Variants in KCNQ5 observed in about 807,000 individuals in gnomAD.
KCNQ5 encodes the protein potassium voltage-gated channel subfamily KQT member 5.
A neutral mutation model predicts 98.2 loss-of-function variants in KCNQ5; 30 were observed. The ratio of observed to expected loss-of-function variants is 0.31; its 90% confidence interval spans 0.23 to 0.41. The LOEUF (loss-of-function observed/expected upper bound fraction) is 0.41, where lower values mean the gene tolerates loss of function less well. KCNQ5 is among the 10% of genes least tolerant of loss of function. The pLI is 1.00. For missense variants in KCNQ5, 835 were observed against 1,182.5 expected (o/e 0.71, Z 4.31); for synonymous variants, 458 against 449.4 (o/e 1.02, Z -0.24).
At chr6:72,732,864 A>G (rs1420115139) in intron 1 of KCNQ5, among the ~76,000 whole-genome samples, 1 of 152,200 alleles carries the variant, frequency 6.6e-6, no homozygotes, top group African/African-American at 2.4e-5. Context: ...AGAAGGGGAA[A>G]GAAACTACAG....
At position 72,622,258 on chromosome 6, in the gene KCNQ5, G is replaced by A. The variant is rs1269286659; in HGVS notation, c.69G>A (p.Ala23=). 12 of 1,219,316 alleles carry A rather than the reference G, an allele frequency of 9.8e-6. No individual in the cohort carries two copies. In the South Asian group the frequency reaches 1.4e-4, roughly 15 times the overall value. 75.5% of individuals were successfully genotyped at this position (1,219,316 alleles called of 1,614,324 possible). ...AAGLWVKSGA[A]AAAAGGGRLG... The stretch of plus-strand genomic sequence containing the variant: ...GGCTCTGGGTGAAGAGCGGCGCAGC[G>A]GCGGCGGCGGCGGGCGGGGGGCGCT... The change falls in exon 1 of 14, where the codon GCG becomes GCA. Residue 23 remains alanine (A), a synonymous_variant. Transcript: ENST00000370398. The surrounding 1 kb of genome is among the most constrained non-coding windows in gnomAD (Gnocchi z 6.0).
At chr6:72,947,535 T>C (rs999226968) in intron 1 of KCNQ5, among the ~76,000 whole-genome samples, 2 of 152,154 alleles carry the variant, frequency 1.3e-5, no homozygotes, top group Non-Finnish European at 2.9e-5. Context: ...ATATCTCTAA[T>C]GAAATACCAA....
chr6:73,063,686 T>TAGATAGATAGATGATAGATAGATAGATA (rs55995543), intron 3 of KCNQ5, among the ~76,000 whole-genome samples: 3 of 93,244 alleles, frequency 3.2e-5, no homozygotes, highest in Non-Finnish European at 6.8e-5. Context: ...GATAGATAGA[T>TAGATAGATAGATGATAGATAGATAGATA]GATAGATAGA....
At chr6:72,740,405 C>G (rs1480791778) in intron 1 of KCNQ5, among the ~76,000 whole-genome samples, 2 of 152,076 alleles carry the variant, frequency 1.3e-5, no homozygotes, top group African/African-American at 2.4e-5. Flanking sequence ...AACATCCCTG[C>G]TAGTGAGTAA....
intron 1 of KCNQ5, among the ~76,000 whole-genome samples, chr6:72,868,543 A>G (rs1004347979): frequency 6.6e-6 from 1 of 152,150 alleles, no homozygotes; most frequent in African/African-American, 2.4e-5. Flanking sequence ...ACCTAGCTGC[A>G]ATGGAAGGAA....
chr6:73,028,433 G>C (rs1373545737), intron 2 of KCNQ5, among the ~76,000 whole-genome samples: 1 of 152,202 alleles, frequency 6.6e-6, no homozygotes, highest in Non-Finnish European at 1.5e-5. Context: ...TTCAAGAGGA[G>C]AATCCACTGC....
Position 73,038,086 on chromosome 6 carries a change from G to A in KCNQ5, c.490-3850G>A, listed in dbSNP as rs142422246. 4.3e-3 allele frequency among the ~76,000 whole-genome samples: 647 copies of A among 152,042 alleles called. 4 individuals are homozygous for A. The highest frequency in any genetic ancestry group is 0.015 in the African/African-American group (604 of 41,514). ...TTCATAATCTCAATGCACATAAACCGTATGTGTTTTTCTAAGTGGATATTT... is the reference window on the plus strand; with the variant it reads ...TTCATAATCTCAATGCACATAAACCATATGTGTTTTTCTAAGTGGATATTT... On this transcript the variant is annotated intron_variant, in intron 2 of 13. Coordinates refer to ENST00000370398, the MANE Select transcript of KCNQ5 (RefSeq NM_019842.4).
intron 1 of KCNQ5, among the ~76,000 whole-genome samples, chr6:72,935,374 G>A (rs948282615): frequency 1.3e-5 from 2 of 151,970 alleles, no homozygotes; most frequent in East Asian, 1.9e-4. Flanking sequence ...ACCAACCAGC[G>A]TTGTCCTATC....
Position 73,077,745 on chromosome 6 carries a change from A to T in KCNQ5, c.793-17A>T, listed in dbSNP as rs1455682705. 8.2e-6 allele frequency: 13 copies of T among 1,591,046 alleles called. No individual in the cohort carries two copies. Among genetic ancestry groups the T allele is most frequent in the Non-Finnish European group, 1.1e-5 (13 of 1,170,976 alleles). ...GATTTCCCACCTCTAAAAATCTTTC[A>T]TTCCTTTTATATCTAGGAATTAATC... On this transcript the variant is annotated splice_polypyrimidine_tract_variant and intron_variant, in intron 4 of 13. Transcript: ENST00000370398.
chr6:72,900,901 C>T (rs191045063), intron 1 of KCNQ5, among the ~76,000 whole-genome samples: 4 of 152,030 alleles, frequency 2.6e-5, no homozygotes, highest in Admixed American at 2.0e-4. Flanking sequence ...TGATTATTAG[C>T]GATTTTGAGC....
In KCNQ5 at chr6:73,049,748, C is replaced by A. The variant is rs1772132398; in HGVS notation, c.616+7686C>A. Among the ~76,000 whole-genome samples, 3 of 151,964 alleles carry A rather than the reference C, an allele frequency of 2.0e-5. No individual in the cohort carries two copies. In the South Asian group the frequency reaches 6.2e-4, roughly 32 times the overall value. The stretch of plus-strand genomic sequence containing the variant: ...AAAGCAAATATTCTAATTCCACTGG[C>A]CAGAACTGGCAAAGAACTTCTTATT... On this transcript the variant is annotated intron_variant, in intron 3 of 13. Coordinates refer to ENST00000370398, the MANE Select transcript of KCNQ5 (RefSeq NM_019842.4).
At chr6:72,661,770 T>C (rs1184107727) in intron 1 of KCNQ5, among the ~76,000 whole-genome samples, 2 of 152,144 alleles carry the variant, frequency 1.3e-5, no homozygotes, top group Non-Finnish European at 1.5e-5. Flanking sequence ...CTCCCTATGC[T>C]TGTTCTTCAT....
chr6:72,712,727 A>G (rs1335843223), intron 1 of KCNQ5, among the ~76,000 whole-genome samples: 1 of 152,116 alleles, frequency 6.6e-6, no homozygotes, highest in Non-Finnish European at 1.5e-5. Flanking sequence ...AAAGCTCAAT[A>G]ATTTTTTGCT....
intron 1 of KCNQ5, among the ~76,000 whole-genome samples, chr6:72,793,111 T>C (rs567898072): frequency 6.6e-6 from 1 of 152,344 alleles, no homozygotes; most frequent in South Asian, 2.1e-4. Context: ...CATTTGCACC[T>C]TGAGTATCCT....
chr6:73,161,657 G>T (rs529671264), intron 10 of KCNQ5, among the ~76,000 whole-genome samples: 1 of 152,050 alleles, frequency 6.6e-6, no homozygotes, highest in African/African-American at 2.4e-5. Context: ...AATCTAATCC[G>T]TAAAAGAAGG....
At chr6:73,077,949 C>T (rs565224959) in intron 5 of KCNQ5, 62 bp downstream of exon 5, 93 of 1,321,078 alleles carry the variant, frequency 7.0e-5, no homozygotes, top group Non-Finnish European at 8.4e-5. Flanking sequence ...TTTAATACAA[C>T]GTAATGGTTC....
At chr6:72,782,462 C>T (rs114522510) in intron 1 of KCNQ5, among the ~76,000 whole-genome samples, 3,047 of 152,270 alleles carry the variant, frequency 0.02, 99 homozygotes, top group African/African-American at 0.068. Context: ...TCTCCAGAAA[C>T]ACAAATGCCG....
intron 1 of KCNQ5, among the ~76,000 whole-genome samples, chr6:72,705,589 T>TG (rs1748791634): frequency 9.8e-6 from 1 of 102,336 alleles, no homozygotes; most frequent in African/African-American, 8.0e-5. Flanking sequence ...TTGTTGTTTT[T>TG]GTTTTTTTTT....
At chr6:73,032,046 CT>C (rs1771175934) in intron 2 of KCNQ5, among the ~76,000 whole-genome samples, 1 of 152,330 alleles carries the variant, frequency 6.6e-6, no homozygotes, top group East Asian at 1.9e-4. Flanking sequence ...TATCTCTTAT[CT>C]TGACACAAGC....
Sources: allele counts gnomAD v4.1 joint callset (sites outside exome capture counted in the v4.1 genomes callset), GRCh38; gene constraint gnomAD v4.1.1; non-coding constraint Gnocchi (gnomAD v3.1); transcripts MANE v1.5; gene names NCBI Gene and HGNC (gene_info 2026-07-23, HGNC 2026-07-21).